The following NAT1 variants were observed in gnomAD, a reference collection of about 807,000 sequenced individuals.
NAT1 encodes the protein N-acetyltransferase 1.
For missense variants in NAT1, 400 were observed against 339.2 expected (o/e 1.18, Z -1.41); for synonymous variants, 144 against 122.6 (o/e 1.17, Z -1.16).
chr8:18,176,535 G>A (rs1467332818), intron 2 of NAT1, among the ~76,000 whole-genome samples: 1 of 151,580 alleles, frequency 6.6e-6, no homozygotes, highest in Non-Finnish European at 1.5e-5. Context: ...TTATTTCTGG[G>A]CATTCTATTG....
intron 2 of NAT1, among the ~76,000 whole-genome samples, chr8:18,198,331 A>C (rs559698362): frequency 6.6e-6 from 1 of 152,194 alleles, no homozygotes; most frequent in Admixed American, 6.5e-5. Context: ...AATTACCTAC[A>C]CTTGTCCCTC....
At chr8:18,176,594 T>TTTTTTTTG (rs199694311) in intron 2 of NAT1, among the ~76,000 whole-genome samples, 37,899 of 149,514 alleles carry the variant, frequency 0.25, 5,181 homozygotes, top group African/African-American at 0.34. Context: ...CATGCTGTTT[T>TTTTTTTTG]TTTGTTTTGT....
intron 2 of NAT1, among the ~76,000 whole-genome samples, chr8:18,188,740 G>A (rs1802847531): frequency 6.6e-6 from 1 of 151,790 alleles, no homozygotes; most frequent in African/African-American, 2.4e-5. Context: ...GCTCATACCT[G>A]TAATCTCAGC....
At chr8:18,206,601 C>T (rs562243721), upstream of NAT1, among the ~76,000 whole-genome samples, 3 of 152,212 alleles carry the variant, frequency 2.0e-5, no homozygotes, top group Admixed American at 6.5e-5. Flanking sequence ...GTGTGTTGGC[C>T]GCATAAATAT....
upstream of NAT1, among the ~76,000 whole-genome samples, chr8:18,209,118 G>C (rs1048197648): frequency 1.3e-5 from 2 of 152,212 alleles, no homozygotes; most frequent in East Asian, 1.9e-4. Context: ...CACCTGACCA[G>C]GTACAGCACA....
intron 2 of NAT1, among the ~76,000 whole-genome samples, chr8:18,193,506 A>ATATAAT (rs748465170): frequency 1.2e-4 from 16 of 132,466 alleles, no homozygotes; most frequent in African/African-American, 5.1e-4. Context: ...ATATATATAT[A>ATATAAT]ATATATATAT....
At chr8:18,206,575 C>T (rs774622087), upstream of NAT1, among the ~76,000 whole-genome samples, 1 of 152,150 alleles carries the variant, frequency 6.6e-6, no homozygotes, top group African/African-American at 2.4e-5. Context: ...AAAAAGTACA[C>T]AAGCCCTTTT....
At chr8:18,177,771 G>T (rs986417565) in intron 2 of NAT1, among the ~76,000 whole-genome samples, 6 of 152,090 alleles carry the variant, frequency 3.9e-5, no homozygotes, top group Non-Finnish European at 7.4e-5. Context: ...AGATTACGCA[G>T]GTTGCAACTT....
chr8:18,215,596 G>A (rs1055474288), intron 1 of NAT1, among the ~76,000 whole-genome samples: 1 of 151,598 alleles, frequency 6.6e-6, no homozygotes, highest in African/African-American at 2.4e-5. Context: ...ATTTCACATG[G>A]TCCATAGCCC....
Position 18,222,926 on chromosome 8 carries a change from G to C in NAT1, c.*6G>C. 1.3e-6 allele frequency: 2 copies of C among 1,530,342 alleles called. No homozygotes were observed. The highest frequency in any genetic ancestry group is 1.7e-6 in the Non-Finnish European group (2 of 1,145,200). 94.8% of individuals were successfully genotyped at this position (1,530,342 alleles called of 1,614,324 possible). On this transcript the variant is annotated 3_prime_UTR_variant, in exon 3 of 3. Coordinates refer to ENST00000307719, the MANE Select transcript of NAT1 (RefSeq NM_000662.8). ...ATAGATTTTTTACTATTTAGAATAA[G>C]GAGTAAAACAATCTTGTCTATTTGT...
chr8:18,200,252 T>G (rs1446070322), intron 2 of NAT1, among the ~76,000 whole-genome samples: 1 of 152,194 alleles, frequency 6.6e-6, no homozygotes, highest in African/African-American at 2.4e-5. Flanking sequence ...ACGTGTTCAT[T>G]GCAGCACTAT....
rs114160100 is a variant in NAT1 at position 18,184,700 on chromosome 8, G to C, written n.92+13961G>C. Among the ~76,000 whole-genome samples, 606 of 152,280 alleles carry C rather than the reference G, an allele frequency of 4.0e-3. 2 individuals are homozygous for C. The highest frequency in any genetic ancestry group is 0.014 in the African/African-American group (566 of 41,568). ...AGTAGTGGGAGGCAGGGCCTAACAA[G>C]AGGTGTTTAGGTCATGAGGCCTCTC... On this transcript the variant is annotated intron_variant and non_coding_transcript_variant, in intron 2 of 4. Transcript: ENST00000517441.
chr8:18,208,401 A>T (rs1490210489), upstream of NAT1, among the ~76,000 whole-genome samples: 1 of 152,248 alleles, frequency 6.6e-6, no homozygotes, highest in Non-Finnish European at 1.5e-5. Flanking sequence ...AACACGTCAT[A>T]AAAATTGTTA....
intron 2 of NAT1, among the ~76,000 whole-genome samples, chr8:18,221,547 C>A (rs969101246): frequency 6.6e-6 from 1 of 152,138 alleles, no homozygotes; most frequent in African/African-American, 2.4e-5. Context: ...ATTCAGTGAA[C>A]TATTTCTTGA....
chr8:18,222,925 A>G lies in NAT1; in HGVS notation c.*5A>G, dbSNP rs764348093. 6.5e-7 allele frequency: 1 copy of G among 1,537,580 alleles called. No homozygotes were observed. The highest frequency in any genetic ancestry group is 1.4e-5 in the South Asian group (1 of 73,966). On this transcript the variant is annotated 3_prime_UTR_variant, in exon 3 of 3. Transcript: ENST00000307719. ...GATAGATTTTTTACTATTTAGAATA[A>G]GGAGTAAAACAATCTTGTCTATTTG...
intron 1 of NAT1, among the ~76,000 whole-genome samples, chr8:18,214,073 A>G (rs1804390376): frequency 6.6e-6 from 1 of 152,142 alleles, no homozygotes; most frequent in African/African-American, 2.4e-5. Context: ...TCGGCTTCCC[A>G]AAGTGCTGGG....
intron 2 of NAT1, among the ~76,000 whole-genome samples, chr8:18,192,006 A>C (rs1803011061): frequency 6.6e-6 from 1 of 151,834 alleles, no homozygotes; most frequent in African/African-American, 2.4e-5. Flanking sequence ...AATTAAACTA[A>C]AGAGCTTCTG....
intron 2 of NAT1, among the ~76,000 whole-genome samples, chr8:18,221,312 G>GC (rs1805270189): frequency 7.5e-6 from 1 of 133,942 alleles, no homozygotes; most frequent in Non-Finnish European, 1.6e-5. Flanking sequence ...TTTTTGGTGT[G>GC]TTTTTTTTTT....
intron 2 of NAT1, among the ~76,000 whole-genome samples, chr8:18,171,618 C>A (rs1226180846): frequency 6.6e-6 from 1 of 151,832 alleles, no homozygotes; most frequent in East Asian, 1.9e-4. Context: ...GGTATTTCTG[C>A]ACAAACAAAA....
Sources: gnomAD v4.1 joint callset for allele counts (sites outside exome capture counted in the v4.1 genomes callset) on GRCh38, gnomAD v4.1.1 for gene constraint, MANE v1.5 for transcripts, NCBI Gene and HGNC (gene_info 2026-07-23, HGNC 2026-07-21) for gene names.